Variants in USH2A observed in about 807,000 individuals in gnomAD.
USH2A encodes the protein Usher syndrome 2A (autosomal recessive, mild).
In USH2A, 443 loss-of-function variants were observed where a neutral mutation model predicts 538.9. The observed-to-expected ratio is 0.82, with a 90% CI of 0.76 to 0.89. The LOEUF (loss-of-function observed/expected upper bound fraction) is 0.89, where lower values mean the gene tolerates loss of function less well. USH2A is among the 40% of genes least tolerant of loss of function. USH2A has a pLI of 0.00. For missense variants in USH2A, 6,633 were observed against 6,324.8 expected, an observed-to-expected ratio of 1.05 and a Z score of -1.65; for synonymous variants, 2,413 against 2,273.5, an observed-to-expected ratio of 1.06 and a Z score of -1.75.
At chr1:215,724,899 T>A (rs1242594277) in intron 61 of USH2A, among the ~76,000 whole-genome samples, 1 of 152,190 alleles carries the variant, frequency 6.6e-6, no homozygotes, top group Non-Finnish European at 1.5e-5. Context: ...AGCCCCTTTG[T>A]GCTATTATGG....
chr1:215,759,955 A>C lies in USH2A; in HGVS notation c.11048-112T>G, dbSNP rs570761363. 4 of 1,255,918 alleles carry C rather than the reference A, an allele frequency of 3.2e-6. No homozygotes were observed. In the South Asian group the frequency reaches 5.0e-5, roughly 16 times the overall value. 77.8% of individuals were successfully genotyped at this position (1,255,918 alleles called of 1,614,324 possible). A position where few individuals can be genotyped will look rare whatever the true frequency, so the allele number is the denominator to read the frequency against. On this transcript the variant is annotated intron_variant, in intron 56 of 71. Transcript: ENST00000307340. ...ATATTTTTTCTGTTGATTTTAAAAA[A>C]TATCTAACTGTATGGAACAAAAATA...
intron 25 of USH2A, among the ~76,000 whole-genome samples, chr1:216,084,081 C>T (rs1028945499): frequency 9.2e-5 from 14 of 152,062 alleles, no homozygotes; most frequent in African/African-American, 3.4e-4. Flanking sequence ...TGCACCAAGC[C>T]ACCATCATCC....
chr1:216,248,916 C>T (rs1269020592), intron 12 of USH2A, among the ~76,000 whole-genome samples: 2 of 152,028 alleles, frequency 1.3e-5, no homozygotes, highest in Non-Finnish European at 2.9e-5. Flanking sequence ...ACATTCTTCT[C>T]CCTTTTTATT....
chr1:215,631,427 C>G (rs949614385), intron 70 of USH2A, among the ~76,000 whole-genome samples: 2 of 152,144 alleles, frequency 1.3e-5, no homozygotes, highest in African/African-American at 2.4e-5. Context: ...TTTTGCTCTA[C>G]TAATACAAAT....
intron 64 of USH2A, among the ~76,000 whole-genome samples, chr1:215,667,015 G>C (rs914031756): frequency 6.6e-6 from 1 of 152,036 alleles, no homozygotes; most frequent in Non-Finnish European, 1.5e-5. Flanking sequence ...TGACTGAACC[G>C]GGGAGTTGGA....
intron 32 of USH2A, among the ~76,000 whole-genome samples, chr1:216,031,943 G>C (rs1401402516): frequency 1.3e-5 from 2 of 152,144 alleles, no homozygotes; most frequent in Non-Finnish European, 2.9e-5. Context: ...ACATTCTTCT[G>C]TGACACTTTA....
chr1:215,671,036 T>C lies in USH2A; in HGVS notation c.14069A>G (p.Tyr4690Cys), dbSNP rs150280500. ...QPRKSNPVLI[Y>C]NGSSTSFIDS... ...TATAAAAGATGTTGAGCTTCCGTTA[T>C]AGATTAGGACTGGATTGGATTTTCT... The change falls in exon 64 of 72, where the codon TAT becomes TGT. Residue 4690 changes from tyrosine to cysteine, a missense_variant. By Grantham distance (194) the Tyr-to-Cys change is radical. Transcript: ENST00000307340. The C allele has an allele frequency of 1.6e-4, 266 of 1,614,190 alleles. 2 individuals are homozygous for C. The South Asian group carries it at 1.9e-3, about 12-fold the overall frequency.
chr1:215,879,894 A>G (rs1050048698), intron 41 of USH2A, among the ~76,000 whole-genome samples: 4 of 152,148 alleles, frequency 2.6e-5, no homozygotes, highest in Non-Finnish European at 1.5e-5. Flanking sequence ...CATGACAAAA[A>G]TCATTTATTT....
intron 32 of USH2A, among the ~76,000 whole-genome samples, chr1:216,037,597 A>G (rs1297843119): frequency 2.6e-5 from 4 of 152,064 alleles, no homozygotes; most frequent in Non-Finnish European, 5.9e-5. Context: ...CCTGTTTAAA[A>G]TTTCCATTGA....
Position 215,680,307 on chromosome 1 carries a change from C to T in USH2A, c.12136G>A (p.Ala4046Thr), listed in dbSNP as rs1658183960. 4.3e-6 allele frequency: 7 copies of T among 1,614,126 alleles called. No individual in the cohort carries two copies. The highest frequency in any genetic ancestry group is 5.1e-6 in the Non-Finnish European group (6 of 1,180,004). Residue 4046 changes from alanine to threonine, a missense_variant, in exon 62 of 72, where the codon GCA becomes ACA. By Grantham distance (58) the Ala-to-Thr change is moderately conservative. Coordinates refer to ENST00000307340, the MANE Select transcript of USH2A (RefSeq NM_206933.4). The stretch of plus-strand genomic sequence containing the variant: ...CTTAAAATTTCTCCTGCATGGTTTG[C>T]AGCCACAACACCAATGCGATATGTT... ...FTTYRIGVVA[A>T]NHAGEILSPW...
chr1:216,170,859 T>C (rs937637852), intron 21 of USH2A, among the ~76,000 whole-genome samples: 1 of 152,096 alleles, frequency 6.6e-6, no homozygotes. Flanking sequence ...GGCACAATGA[T>C]ATCCCCTTCT....
Position 216,174,971 on chromosome 1 carries a change from A to G in USH2A, c.4627+281T>C, listed in dbSNP as rs570544314. 4.4e-4 allele frequency: 555 copies of G among 1,254,344 alleles called. 2 individuals are homozygous for G. The highest frequency in any genetic ancestry group is 4.4e-3 in the Middle Eastern group (13 of 2,988). The allele number at this position is 1,254,344 out of a possible 1,614,324, so 77.7% of individuals were successfully genotyped here. A position where few individuals can be genotyped will look rare whatever the true frequency, so the allele number is the denominator to read the frequency against. ...TATTTCAAGAAACATGTCCTGGCAC[A>G]TACTTCACAAAAAGACAAATACAAA... On this transcript the variant is annotated intron_variant, in intron 21 of 71. Transcript: ENST00000307340.
intron 21 of USH2A, among the ~76,000 whole-genome samples, chr1:216,144,700 A>T (rs1386621944): frequency 1.2e-4 from 18 of 152,182 alleles, no homozygotes; most frequent in Admixed American, 1.2e-3. Context: ...ATGCAAATGA[A>T]TATTACCTAA....
At chr1:215,650,520 A>G (rs1657022382) in intron 65 of USH2A, 72 bp downstream of exon 65, 2 of 1,584,116 alleles carry the variant, frequency 1.3e-6, no homozygotes, top group Non-Finnish European at 1.7e-6. Flanking sequence ...AAACAAAAAC[A>G]TAAAAACAAA....
intron 50 of USH2A, among the ~76,000 whole-genome samples, chr1:215,792,634 G>A (rs1662012275): frequency 6.6e-6 from 1 of 152,196 alleles, no homozygotes; most frequent in Non-Finnish European, 1.5e-5. Context: ...CACTTAGGGA[G>A]AGCAGATGTT....
chr1:216,366,162 G>A (rs955791204), intron 3 of USH2A, among the ~76,000 whole-genome samples: 1 of 152,108 alleles, frequency 6.6e-6, no homozygotes, highest in Admixed American at 6.6e-5. Flanking sequence ...AGCTGAAATG[G>A]CAAATAAAAG....
intron 21 of USH2A, among the ~76,000 whole-genome samples, chr1:216,118,679 T>C (rs375998736): frequency 1.3e-5 from 2 of 152,368 alleles, no homozygotes; most frequent in East Asian, 3.9e-4. Flanking sequence ...TATCTTTAGT[T>C]AACATGCTTC....
chr1:216,065,284 T>G (rs968673711), intron 30 of USH2A, among the ~76,000 whole-genome samples: 1 of 152,196 alleles, frequency 6.6e-6, no homozygotes, highest in Non-Finnish European at 1.5e-5. Context: ...TTCTGATTTG[T>G]TCTTATCCTA....
intron 55 of USH2A, among the ~76,000 whole-genome samples, chr1:215,776,126 C>T (rs1210811282): frequency 6.6e-6 from 1 of 152,052 alleles, no homozygotes; most frequent in Non-Finnish European, 1.5e-5. Context: ...GAAACAATGC[C>T]ATAACTGATG....
Sources: allele counts gnomAD v4.1 joint callset (sites outside exome capture counted in the v4.1 genomes callset), GRCh38; gene constraint gnomAD v4.1.1; transcripts MANE v1.5; gene names NCBI Gene and HGNC (gene_info 2026-07-23, HGNC 2026-07-21).